XKR6: variants seen among roughly 807,000 people sequenced by gnomAD.
XKR6 encodes XK related 6.
A neutral mutation model predicts 56.7 loss-of-function variants in XKR6; 22 were observed. The observed-to-expected ratio is 0.39, with a 90% confidence interval of 0.28 to 0.55. XKR6 has a LOEUF of 0.55. Ranked by LOEUF, XKR6 falls within the 20% of genes least tolerant of loss-of-function variation. The pLI, the probability that XKR6 is intolerant of heterozygous loss-of-function variation, is 0.66. For synonymous variants in XKR6, 524 were observed against 387.8 expected, an observed-to-expected ratio of 1.35 and a Z score of -4.13; for missense variants, 852 against 889.0, an observed-to-expected ratio of 0.96 and a Z score of 0.53.
rs373068727 is a variant in XKR6, at chr8:10,958,575, T to A, written c.765-33745A>T. Among the ~76,000 whole-genome samples the A allele has an allele frequency of 2.2e-4, 33 of 151,928 alleles. No homozygotes were observed. The South Asian group carries it at 2.5e-3, about 12-fold the overall frequency. On this transcript the variant is annotated intron_variant, in intron 1 of 2. Transcript: ENST00000416569. ...TGCCAGCACCCATGAGGGAAAGAAG[T>A]CAGAAAAGACAGGGTAGAAATGGGT...
intron 1 of XKR6, among the ~76,000 whole-genome samples, chr8:11,003,689 T>C (rs1281992531): frequency 6.6e-6 from 1 of 152,222 alleles, no homozygotes; most frequent in Non-Finnish European, 1.5e-5. Flanking sequence ...CTGTAAGAAC[T>C]GGGATTCTGG....
intron 2 of XKR6, among the ~76,000 whole-genome samples, chr8:10,909,816 T>G (rs919236892): frequency 2.6e-5 from 4 of 152,204 alleles, no homozygotes; most frequent in Non-Finnish European, 5.9e-5. Context: ...CCAGACTCTG[T>G]GCATATGTTA....
At chr8:11,182,465 A>G (rs886438358) in intron 1 of XKR6, among the ~76,000 whole-genome samples, 3 of 152,202 alleles carry the variant, frequency 2.0e-5, no homozygotes, top group Admixed American at 6.5e-5. Flanking sequence ...GTTTTAAAGT[A>G]TTTTTAGGTG....
Position 10,897,341 on chromosome 8 carries a change from T to A in XKR6, c.*611A>T, listed in dbSNP as rs1799911946. ...AGATAGGAAGAATAATTGCTTTGTGTTGTATTTGTTGGTTGGTTTTTGTTT... is the reference window on the plus strand; with the variant it reads ...AGATAGGAAGAATAATTGCTTTGTGATGTATTTGTTGGTTGGTTTTTGTTT... On this transcript the variant is annotated 3_prime_UTR_variant, in exon 3 of 3. Coordinates refer to ENST00000416569, the MANE Select transcript of XKR6 (RefSeq NM_173683.4). The A allele has an allele frequency of 6.6e-6, 1 of 152,592 alleles. No individual in the cohort carries two copies. The highest frequency in any genetic ancestry group is 6.5e-5 in the Admixed American group (1 of 15,286). The allele number at this position is 152,592 out of a possible 1,614,324, so 9.5% of individuals were successfully genotyped here.
At chr8:11,156,041 T>C (rs1004969663) in intron 1 of XKR6, among the ~76,000 whole-genome samples, 37 of 152,212 alleles carry the variant, frequency 2.4e-4, no homozygotes, top group Admixed American at 2.6e-4. Context: ...TTTAAACACA[T>C]TCAAGTCTCT....
At chr8:10,937,394 C>G (rs1184527007) in intron 1 of XKR6, among the ~76,000 whole-genome samples, 2 of 151,488 alleles carry the variant, frequency 1.3e-5, no homozygotes, top group African/African-American at 2.4e-5. Flanking sequence ...GCCTTCTTCT[C>G]TCAGCTTGTC....
intron 1 of XKR6, among the ~76,000 whole-genome samples, chr8:10,951,015 C>T (rs760728417): frequency 6.6e-6 from 1 of 152,196 alleles, no homozygotes; most frequent in Non-Finnish European, 1.5e-5. Context: ...CCCAGAACCT[C>T]AGCAGCATGC....
chr8:11,182,142 T>C (rs549751494), intron 1 of XKR6, among the ~76,000 whole-genome samples: 1 of 152,358 alleles, frequency 6.6e-6, no homozygotes, highest in South Asian at 2.1e-4. Context: ...AGTAAATACC[T>C]TGCCCAAGTT....
intron 1 of XKR6, among the ~76,000 whole-genome samples, chr8:10,984,505 A>C (rs1797805959): frequency 6.6e-6 from 1 of 152,094 alleles, no homozygotes; most frequent in Admixed American, 6.5e-5. Flanking sequence ...AGAATTATAA[A>C]AATTAAGAAA....
chr8:11,023,665 T>G (rs114031957), intron 1 of XKR6, among the ~76,000 whole-genome samples: 2 of 152,308 alleles, frequency 1.3e-5, no homozygotes, highest in East Asian at 3.9e-4. Context: ...TCCCCTTTAT[T>G]TAGGGTTGAG....
At chr8:10,947,716 G>A (rs763555137) in intron 1 of XKR6, among the ~76,000 whole-genome samples, 17 of 152,260 alleles carry the variant, frequency 1.1e-4, no homozygotes, top group South Asian at 6.2e-4. Flanking sequence ...TTCAGTTTTT[G>A]AGGCTGAAAA....
At chr8:11,059,992 C>G (rs1019262138) in intron 1 of XKR6, among the ~76,000 whole-genome samples, 3 of 152,184 alleles carry the variant, frequency 2.0e-5, no homozygotes, top group African/African-American at 7.2e-5. Flanking sequence ...TTGACAGTGG[C>G]CAGATACAGG....
chr8:11,107,084 TCTTGA>T (rs1427604809), intron 1 of XKR6, among the ~76,000 whole-genome samples: 3 of 151,990 alleles, frequency 2.0e-5, no homozygotes, highest in African/African-American at 7.3e-5. Flanking sequence ...GATGCTTCTA[TCTTGA>T]CTTATGACAA....
chr8:10,942,526 G>A (rs1037433488), intron 1 of XKR6, among the ~76,000 whole-genome samples: 2 of 152,194 alleles, frequency 1.3e-5, no homozygotes, highest in African/African-American at 4.8e-5. Context: ...CCTCCACAGG[G>A]AGGCAGAGAG....
chr8:11,024,853 A>C (rs1363273977), intron 1 of XKR6, among the ~76,000 whole-genome samples: 1 of 152,226 alleles, frequency 6.6e-6, no homozygotes, highest in Non-Finnish European at 1.5e-5. Context: ...GAAGTGGACC[A>C]TCCATCCCTA....
chr8:10,926,434 G>C (rs577327082), intron 1 of XKR6, among the ~76,000 whole-genome samples: 21 of 152,366 alleles, frequency 1.4e-4, no homozygotes, highest in African/African-American at 4.6e-4. Context: ...CCCTTTGGGG[G>C]CCTGGATCCT....
chr8:11,158,393 C>G (rs1563182262), intron 1 of XKR6, among the ~76,000 whole-genome samples: 2 of 152,202 alleles, frequency 1.3e-5, no homozygotes, highest in African/African-American at 4.8e-5. Context: ...AGCAAGAGAA[C>G]ATGACCAGTT....
intron 1 of XKR6, among the ~76,000 whole-genome samples, chr8:11,132,626 T>C (rs964492928): frequency 6.6e-6 from 1 of 152,000 alleles, no homozygotes; most frequent in Non-Finnish European, 1.5e-5. Flanking sequence ...TCTCCCAAAG[T>C]GCTGGGATGA....
chr8:11,131,049 C>A (rs1273698235), intron 1 of XKR6, among the ~76,000 whole-genome samples: 1 of 152,174 alleles, frequency 6.6e-6, no homozygotes, highest in Non-Finnish European at 1.5e-5. Context: ...TTTAGAGATT[C>A]TGTCCCGGGG....
Sources: gnomAD v4.1 joint callset for allele counts (sites outside exome capture counted in the v4.1 genomes callset) on GRCh38, gnomAD v4.1.1 for gene constraint, MANE v1.5 for transcripts, NCBI Gene and HGNC (gene_info 2026-07-23, HGNC 2026-07-21) for gene names.